SNX18: variants seen among roughly 807,000 people sequenced by gnomAD.
The protein encoded by SNX18 is sorting nexin-18.
SNX18 carries 35 observed loss-of-function variants against 48.7 expected under a neutral mutation model. That is an observed-to-expected ratio of 0.72 (90% confidence interval 0.55 to 0.95). The LOEUF (loss-of-function observed/expected upper bound fraction) is 0.95. SNX18 is among the 40% of genes least tolerant of loss of function. The pLI, the probability that SNX18 is intolerant of heterozygous loss-of-function variation, is 0.00. For synonymous variants in SNX18, 492 were observed against 384.7 expected (o/e 1.28, Z -3.26); for missense variants, 824 against 871.0 (o/e 0.95, Z 0.68).
chr5:54,599,027 G>T, the SNX18 span, among the ~76,000 whole-genome samples: 1 of 152,166 alleles, frequency 6.6e-6, no homozygotes, highest in Admixed American at 6.6e-5. Flanking sequence ...AGCAACTTCA[G>T]CAAAGTCTCA....
chr5:54,533,934 T>G (rs55801275), intron 1 of SNX18, among the ~76,000 whole-genome samples: 2 of 151,624 alleles, frequency 1.3e-5, no homozygotes, highest in Non-Finnish European at 2.9e-5. Flanking sequence ...TAATGGGGAG[T>G]TAGTAGGGAA....
At chr5:54,585,516 G>A in the SNX18 span, among the ~76,000 whole-genome samples, 9 of 152,062 alleles carry the variant, frequency 5.9e-5, no homozygotes, top group East Asian at 1.9e-4. Flanking sequence ...TGACTTCTGC[G>A]ATCTTGAATG....
chr5:54,647,756 G>A, the SNX18 span, among the ~76,000 whole-genome samples: 1 of 152,316 alleles, frequency 6.6e-6, no homozygotes, highest in South Asian at 2.1e-4. Flanking sequence ...AGGCTAAGTA[G>A]CAGATCATTG....
At chr5:54,554,849 A>G in the SNX18 span, among the ~76,000 whole-genome samples, 8 of 152,286 alleles carry the variant, frequency 5.3e-5, no homozygotes, top group African/African-American at 1.9e-4. Context: ...TTTCCAGATT[A>G]TATCGGGGTC....
chr5:54,624,893 CAAACCCCGT>C, the SNX18 span, among the ~76,000 whole-genome samples: 2 of 152,322 alleles, frequency 1.3e-5, no homozygotes, highest in Non-Finnish European at 2.9e-5. Flanking sequence ...CAGCGTCCCC[CAAACCCCGT>C]AAAATGTGGT....
intron 1 of SNX18, among the ~76,000 whole-genome samples, chr5:54,524,241 C>G (rs974381566): frequency 7.2e-5 from 11 of 152,142 alleles, no homozygotes; most frequent in African/African-American, 2.7e-4. Context: ...ATGTGACTGC[C>G]CAAGGACAGT....
chr5:54,614,790 G>T, the SNX18 span, among the ~76,000 whole-genome samples: 1 of 152,248 alleles, frequency 6.6e-6, no homozygotes, highest in African/African-American at 2.4e-5. Context: ...TCAAGCCTGG[G>T]TGATTAAATC....
intron 1 of SNX18, among the ~76,000 whole-genome samples, chr5:54,535,958 G>C (rs1427078214): frequency 6.6e-6 from 1 of 152,098 alleles, no homozygotes; most frequent in Non-Finnish European, 1.5e-5. Flanking sequence ...TTTCTGTCCT[G>C]TGGAAGAATT....
the SNX18 span, among the ~76,000 whole-genome samples, chr5:54,620,384 G>A: frequency 6.6e-6 from 1 of 152,172 alleles, no homozygotes; most frequent in African/African-American, 2.4e-5. Flanking sequence ...TCAACTGGGG[G>A]ATGCAGTCAG....
In SNX18 at chr5:54,519,197, C is replaced by T. The variant is rs1196504170; in HGVS notation, c.1245C>T (p.Pro415=). ...TCTTCCTGACCCTTAGCACGCCCCC[C>T]GCCGCTGCCCTTGACCTGCAGGAGG... ...ANFFLTLSTP[P]AAALDLQEVE... Residue 415 remains proline, a synonymous_variant, in exon 1 of 2, where the codon CCC becomes CCT. Transcript: ENST00000381410. The T allele has an allele frequency of 1.2e-6, 2 of 1,613,928 alleles. No individual in the cohort carries two copies. The highest frequency in any genetic ancestry group is 1.7e-6 in the Non-Finnish European group (2 of 1,179,920).
At chr5:54,546,606 A>AT (rs1186498746), downstream of SNX18, 4 of 152,178 alleles carry the variant, frequency 2.6e-5, no homozygotes, top group Non-Finnish European at 5.9e-5. Context: ...GAATATAATT[A>AT]TTTTTTCTCC....
the SNX18 span, among the ~76,000 whole-genome samples, chr5:54,587,506 A>G: frequency 1.3e-5 from 2 of 152,098 alleles, no homozygotes; most frequent in African/African-American, 4.8e-5. Flanking sequence ...TAGACTAAAA[A>G]CTTGTCAATA....
At chr5:54,571,192 G>A in the SNX18 span, among the ~76,000 whole-genome samples, 78 of 151,762 alleles carry the variant, frequency 5.1e-4, no homozygotes, top group Non-Finnish European at 8.1e-4. Flanking sequence ...CTTCCTCTAC[G>A]CAGAAGGGCA....
the SNX18 span, among the ~76,000 whole-genome samples, chr5:54,638,344 C>G: frequency 2.0e-5 from 3 of 152,170 alleles, no homozygotes; most frequent in South Asian, 6.2e-4. Context: ...GACAGATATC[C>G]TGAGCGTATG....
chr5:54,549,145 C>T (rs1283795642), downstream of SNX18, among the ~76,000 whole-genome samples: 2 of 152,086 alleles, frequency 1.3e-5, no homozygotes, highest in East Asian at 3.8e-4. Context: ...CTATAGAATC[C>T]CCTTTGTGGA....
the SNX18 span, among the ~76,000 whole-genome samples, chr5:54,632,877 T>C: frequency 6.6e-6 from 1 of 152,024 alleles, no homozygotes; most frequent in Non-Finnish European, 1.5e-5. Flanking sequence ...GGGGTTCAAG[T>C]GATTCTCCTG....
the SNX18 span, among the ~76,000 whole-genome samples, chr5:54,622,959 C>A: frequency 1.3e-5 from 2 of 152,140 alleles, no homozygotes; most frequent in African/African-American, 4.8e-5. Context: ...ATATCAAATT[C>A]TTTAATTAGT....
chr5:54,639,229 A>G, the SNX18 span, among the ~76,000 whole-genome samples: 1 of 152,242 alleles, frequency 6.6e-6, no homozygotes. Context: ...GTTTATAACC[A>G]GCAATCTAGG....
downstream of SNX18, among the ~76,000 whole-genome samples, chr5:54,549,777 G>T (rs1463949325): frequency 6.6e-6 from 1 of 152,140 alleles, no homozygotes; most frequent in Admixed American, 6.5e-5. Context: ...TCCCAACCCT[G>T]GCCTCGTGTT....
Sources: gnomAD v4.1 joint callset for allele counts (sites outside exome capture counted in the v4.1 genomes callset) on GRCh38, gnomAD v4.1.1 for gene constraint, MANE v1.5 for transcripts, NCBI Gene and HGNC (gene_info 2026-07-23, HGNC 2026-07-21) for gene names.